Variants in RBM46 observed in about 807,000 individuals in gnomAD.
The protein encoded by RBM46 is RNA binding motif protein 46, also known as probable RNA-binding protein 46.
A neutral mutation model predicts 43.3 loss-of-function variants in RBM46; 12 were observed. The observed-to-expected ratio is 0.28, with a 90% CI of 0.18 to 0.45. The LOEUF is 0.45. Among genes scored for constraint, RBM46 ranks in the 20% least tolerant of loss-of-function variants. The pLI is 1.00. For synonymous variants in RBM46, 205 were observed against 207.6 expected, an observed-to-expected ratio of 0.99 and a Z score of 0.11; for missense variants, 412 against 639.1, an observed-to-expected ratio of 0.64 and a Z score of 3.83.
chr4:154,800,196 A>G (rs1277321854), intron 4 of RBM46, among the ~76,000 whole-genome samples: 1 of 152,090 alleles, frequency 6.6e-6, no homozygotes, highest in Non-Finnish European at 1.5e-5. Context: ...AATTTTTTGT[A>G]TAAGTTACAA....
At chr4:154,789,067 G>A (rs1733940846) in intron 1 of RBM46, among the ~76,000 whole-genome samples, 1 of 152,194 alleles carries the variant, frequency 6.6e-6, no homozygotes, top group African/African-American at 2.4e-5. Context: ...AGCTTAAGGA[G>A]ATTTTGGGCT....
At chr4:154,803,499 G>T (rs1734739034) in intron 4 of RBM46, among the ~76,000 whole-genome samples, 1 of 151,920 alleles carries the variant, frequency 6.6e-6, no homozygotes, top group South Asian at 2.1e-4. Flanking sequence ...TCAGGAGATA[G>T]AGACCATCCT....
rs1560897186 is a variant in RBM46, at chr4:154,798,014, A to G, written c.355A>G (p.Arg119Gly). The G allele has an allele frequency of 6.2e-7, 1 of 1,613,626 alleles. No homozygotes were observed. The highest frequency in any genetic ancestry group is 1.7e-5 in the Admixed American group (1 of 59,948). Reference protein sequence around the residue: ...TTKEEAQLAIRILNNYEIRPG... With the variant: ...TTKEEAQLAIGILNNYEIRPG... ...AAAAGAAGAAGCCCAATTAGCCATC[A>G]GAATTCTTAATAATTATGAAATTCG... The change falls in exon 3 of 5, where the codon AGA (arginine) becomes GGA (glycine). Residue 119 changes from arginine to glycine, a missense_variant. By Grantham distance (125) the Arg-to-Gly change is moderately radical. Coordinates refer to ENST00000281722, the MANE Select transcript of RBM46 (RefSeq NM_144979.5).
Position 154,827,079 on chromosome 4 carries a change from A to G in RBM46, c.1403-789A>G, listed in dbSNP as rs933145187. The G allele has an allele frequency of 6.2e-6, 7 of 1,131,124 alleles. No homozygotes were observed. In the African/African-American group the frequency reaches 8.0e-5, roughly 13 times the overall value. 70.1% of individuals were successfully genotyped at this position (1,131,124 alleles called of 1,614,324 possible). ...ACAGGATTTAAAAATTTGGTCTGTAATATACACACACACATATAAATGTTG... is the reference window on the plus strand; with the variant it reads ...ACAGGATTTAAAAATTTGGTCTGTAGTATACACACACACATATAAATGTTG... On this transcript the variant is annotated intron_variant, in intron 4 of 4. Coordinates refer to ENST00000281722, the MANE Select transcript of RBM46 (RefSeq NM_144979.5).
chr4:154,826,144 C>T (rs1160059848), intron 4 of RBM46, among the ~76,000 whole-genome samples: 2 of 137,622 alleles, frequency 1.5e-5, no homozygotes, highest in Non-Finnish European at 3.2e-5. Context: ...TGAAGTGGAT[C>T]CTTTTAAAAA....
chr4:154,827,555 G>T, intron 4 of RBM46: 2 of 1,081,878 alleles, frequency 1.8e-6, no homozygotes, highest in Middle Eastern at 4.3e-4. Context: ...AAGCTTCTTT[G>T]TAGAGCAAGA....
chr4:154,799,826 C>A (rs1432620579), intron 4 of RBM46, among the ~76,000 whole-genome samples: 1 of 138,732 alleles, frequency 7.2e-6, no homozygotes, highest in Non-Finnish European at 1.5e-5. Flanking sequence ...GTGGCATGAT[C>A]TTGGCTCATT....
At chr4:154,794,277 T>A (rs1734241223) in intron 1 of RBM46, among the ~76,000 whole-genome samples, 1 of 149,952 alleles carries the variant, frequency 6.7e-6, no homozygotes, top group Non-Finnish European at 1.5e-5. Context: ...GCCTCCCGGG[T>A]TCTTGCCTTT....
chr4:154,787,004 C>T (rs1733807851), intron 1 of RBM46: 1 of 152,118 alleles, frequency 6.6e-6, no homozygotes, highest in Non-Finnish European at 1.5e-5. Context: ...TAGTACTTAT[C>T]ATATTGAAAT....
At chr4:154,783,698 A>G (rs1383142450) in intron 1 of RBM46, among the ~76,000 whole-genome samples, 2 of 152,232 alleles carry the variant, frequency 1.3e-5, no homozygotes, top group Non-Finnish European at 2.9e-5. Context: ...TTTTAAAAGT[A>G]TTAGTTACAG....
chr4:154,783,281 T>G (rs933953439), intron 1 of RBM46, among the ~76,000 whole-genome samples: 2 of 152,226 alleles, frequency 1.3e-5, no homozygotes, highest in Non-Finnish European at 2.9e-5. Flanking sequence ...ATATCAACAC[T>G]TAAAATATAT....
chr4:154,817,202 C>T (rs1267156492), intron 4 of RBM46, among the ~76,000 whole-genome samples: 1 of 151,646 alleles, frequency 6.6e-6, no homozygotes, highest in Admixed American at 6.6e-5. Flanking sequence ...GGTGTTACAT[C>T]GTTTTTGAAT....
intron 1 of RBM46, chr4:154,781,843 CGCTG>C (rs1208830370): frequency 1.3e-5 from 2 of 152,328 alleles, no homozygotes; most frequent in African/African-American, 4.8e-5. Flanking sequence ...GACCAACGAC[CGCTG>C]CAGGCCCGGG....
At position 154,817,479 on chromosome 4, in the gene RBM46, C is replaced by T. The variant is rs554670398; in HGVS notation, c.1403-10389C>T. ...TCCCGAGTAGCTGGGATTACAGGTG[C>T]GCACACCACACCCAGCTGATTTTTG... On this transcript the variant is annotated intron_variant, in intron 4 of 4. Transcript: ENST00000281722. 4.1e-4 allele frequency among the ~76,000 whole-genome samples: 62 copies of T among 151,462 alleles called. 1 individual carries two copies. Among genetic ancestry groups the T allele is most frequent in the African/African-American group, 1.3e-3 (54 of 41,286 alleles).
chr4:154,824,971 A>C (rs984635565), intron 4 of RBM46, among the ~76,000 whole-genome samples: 3 of 152,136 alleles, frequency 2.0e-5, no homozygotes, highest in African/African-American at 7.2e-5. Flanking sequence ...AGATTTATAC[A>C]ATTATCAAAA....
chr4:154,818,683 C>T (rs953955681), intron 4 of RBM46, among the ~76,000 whole-genome samples: 4 of 138,874 alleles, frequency 2.9e-5, no homozygotes, highest in African/African-American at 1.0e-4. Context: ...TTCATTTTCT[C>T]TCTTATTTAT....
chr4:154,824,090 CTT>C (rs34202228), intron 4 of RBM46, among the ~76,000 whole-genome samples: 10 of 145,312 alleles, frequency 6.9e-5, no homozygotes, highest in Admixed American at 1.4e-4. Context: ...CAGTTGTTCT[CTT>C]TTTTTTTTTT....
At chr4:154,796,293 T>C (rs1017315739) in intron 1 of RBM46, among the ~76,000 whole-genome samples, 3 of 152,236 alleles carry the variant, frequency 2.0e-5, no homozygotes, top group South Asian at 4.1e-4. Context: ...AATATGTTTG[T>C]TGGGGTGCCA....
At chr4:154,810,852 T>G (rs1428674531) in intron 4 of RBM46, among the ~76,000 whole-genome samples, 1 of 152,224 alleles carries the variant, frequency 6.6e-6, no homozygotes, top group Non-Finnish European at 1.5e-5. Flanking sequence ...GCAAACTGAT[T>G]AAGAAAGTTT....
Sources: allele counts gnomAD v4.1 joint callset (sites outside exome capture counted in the v4.1 genomes callset), GRCh38; gene constraint gnomAD v4.1.1; transcripts MANE v1.5; gene names NCBI Gene and HGNC (gene_info 2026-07-23, HGNC 2026-07-21).